The following CDKL3 variants were observed in gnomAD, a reference collection of about 807,000 sequenced individuals.
CDKL3 encodes the protein cyclin dependent kinase like 3, also known as cyclin-dependent kinase-like 3.
Under a neutral mutation model 69.3 loss-of-function variants are expected in CDKL3, and 65 were observed. That is an observed-to-expected ratio of 0.94 (90% confidence interval 0.77 to 1.15). The LOEUF (loss-of-function observed/expected upper bound fraction) is 1.15. CDKL3 is among the 50% of genes most tolerant of loss of function. The pLI, the probability that CDKL3 is intolerant of heterozygous loss-of-function variation, is 0.00. For synonymous variants in CDKL3, 202 were observed against 221.6 expected (o/e 0.91, Z 0.79); for missense variants, 652 against 689.2 (o/e 0.95, Z 0.61).
chr5:134,349,435 G>A (rs921294652), intron 4 of CDKL3, among the ~76,000 whole-genome samples: 2 of 152,022 alleles, frequency 1.3e-5, no homozygotes, highest in African/African-American at 2.4e-5. Context: ...GACTACAGGC[G>A]CATGCCACCA....
At chr5:134,324,985 A>T (rs1340164479) in intron 4 of CDKL3, among the ~76,000 whole-genome samples, 9 of 152,196 alleles carry the variant, frequency 5.9e-5, no homozygotes, top group Non-Finnish European at 8.8e-5. Context: ...TGGAGCCTAA[A>T]ACTGGTCTAA....
intron 11 of CDKL3, among the ~76,000 whole-genome samples, chr5:134,303,962 T>A (rs1367378595): frequency 6.6e-6 from 1 of 151,834 alleles, no homozygotes; most frequent in Non-Finnish European, 1.5e-5. Context: ...AGACAGGGTC[T>A]CATTATGTCA....
intron 12 of CDKL3, chr5:134,299,656 A>G: frequency 6.6e-7 from 1 of 1,520,000 alleles, no homozygotes. Context: ...AAAACCATAC[A>G]GTGATTCTGG....
chr5:134,331,459 C>T (rs1450146308), intron 4 of CDKL3, among the ~76,000 whole-genome samples: 1 of 152,090 alleles, frequency 6.6e-6, no homozygotes, highest in Non-Finnish European at 1.5e-5. Context: ...TCCCCCGGGC[C>T]CCCACCCACC....
At chr5:134,324,758 T>A (rs201222861) in intron 4 of CDKL3, among the ~76,000 whole-genome samples, 1 of 152,212 alleles carries the variant, frequency 6.6e-6, no homozygotes, top group African/African-American at 2.4e-5. Context: ...TTCTGTATGA[T>A]ACTATAATGA....
At chr5:134,297,375 G>A (rs1408708306), downstream of CDKL3, among the ~76,000 whole-genome samples, 3 of 152,034 alleles carry the variant, frequency 2.0e-5, no homozygotes, top group Admixed American at 6.6e-5. Flanking sequence ...TTGATAAAGT[G>A]GCACCTATTT....
intron 6 of CDKL3, among the ~76,000 whole-genome samples, chr5:134,318,737 G>A (rs1423363019): frequency 1.3e-5 from 2 of 151,852 alleles, no homozygotes; most frequent in East Asian, 1.9e-4. Context: ...AGCCCGTCTC[G>A]GCGTCCCAAA....
Position 134,308,178 on chromosome 5 carries a change from C to CCATCAAATTACTGTTAGTTAG in CDKL3, c.1303_1323dup (p.Leu435_Met441dup). 6.2e-7 allele frequency: 1 copy of CCATCAAATTACTGTTAGTTAG among 1,613,684 alleles called. No individual in the cohort carries two copies. Among genetic ancestry groups the CCATCAAATTACTGTTAGTTAG allele is most frequent in the Non-Finnish European group, 8.5e-7 (1 of 1,179,760 alleles). On this transcript the variant is annotated inframe_insertion, in exon 9 of 13. Coordinates refer to ENST00000265334, the MANE Select transcript of CDKL3 (RefSeq NM_001113575.2). ...AAGAGATTTGAACTGAGATTTGCAG[C>CCATCAAATTACTGTTAGTTAG]CATCAAATTACTGTTAGTTAGATTG...
intron 6 of CDKL3, among the ~76,000 whole-genome samples, chr5:134,315,197 G>A (rs1770680529): frequency 6.6e-6 from 1 of 151,442 alleles, no homozygotes; most frequent in African/African-American, 2.4e-5. Context: ...CCAAATCATT[G>A]GATGATACTA....
chr5:134,303,928 T>TA (rs975587894), intron 11 of CDKL3, among the ~76,000 whole-genome samples: 5 of 148,638 alleles, frequency 3.4e-5, no homozygotes, highest in African/African-American at 1.3e-4. Flanking sequence ...TCTTTTTAAT[T>TA]AAAAAAAAAT....
chr5:134,361,587 T>C (rs1046795057), intron 2 of CDKL3, among the ~76,000 whole-genome samples: 2 of 152,176 alleles, frequency 1.3e-5, no homozygotes, highest in African/African-American at 2.4e-5. Flanking sequence ...GCTGCAGCAA[T>C]AGCATATTGA....
At chr5:134,329,534 A>T (rs1454416932) in intron 4 of CDKL3, among the ~76,000 whole-genome samples, 3 of 151,286 alleles carry the variant, frequency 2.0e-5, no homozygotes, top group Non-Finnish European at 2.9e-5. Flanking sequence ...AATGCAGTGG[A>T]GTGCAGCTCA....
intron 4 of CDKL3, among the ~76,000 whole-genome samples, 191 bp downstream of exon 4, chr5:134,350,058 T>G (rs183282788): frequency 1.4e-4 from 21 of 152,120 alleles, no homozygotes; most frequent in Admixed American, 7.2e-4. Flanking sequence ...AGTGGTGGTG[T>G]GCACCTGTAG....
chr5:134,345,830 T>C (rs1001739180), intron 4 of CDKL3, among the ~76,000 whole-genome samples: 2 of 152,206 alleles, frequency 1.3e-5, no homozygotes, highest in Non-Finnish European at 2.9e-5. Context: ...ACAGGGGATA[T>C]GATGGCTTAG....
Position 134,349,404 on chromosome 5 carries a change from T to C in CDKL3, c.539+845A>G, listed in dbSNP as rs575997850. ...GCTACTTTTGAAGTAATTCTCCTGTTTCAGCCTCCCGAGTAGCTGGGACTA... is the reference window on the plus strand; with the variant it reads ...GCTACTTTTGAAGTAATTCTCCTGTCTCAGCCTCCCGAGTAGCTGGGACTA... On this transcript the variant is annotated intron_variant, in intron 4 of 12. Transcript: ENST00000265334. Among the ~76,000 whole-genome samples the C allele has an allele frequency of 4.6e-5, 7 of 152,238 alleles. No individual in the cohort carries two copies. The South Asian group carries it at 1.5e-3, about 32-fold the overall frequency.
At chr5:134,326,823 A>ATATATATGTGTG (rs1468227658) in intron 4 of CDKL3, among the ~76,000 whole-genome samples, 34 of 105,020 alleles carry the variant, frequency 3.2e-4, no homozygotes, top group African/African-American at 1.9e-3. Context: ...GTGTGTATAT[A>ATATATATGTGTG]TATATATATA....
chr5:134,317,337 T>C (rs539374436), intron 6 of CDKL3, among the ~76,000 whole-genome samples: 1 of 152,166 alleles, frequency 6.6e-6, no homozygotes, highest in Non-Finnish European at 1.5e-5. Flanking sequence ...GGTTTCATCA[T>C]GTTGGTCTGG....
upstream of CDKL3, among the ~76,000 whole-genome samples, chr5:134,367,976 GCTTT>G (rs1158950499): frequency 2.0e-5 from 3 of 152,136 alleles, no homozygotes; most frequent in East Asian, 5.8e-4. Flanking sequence ...ATTGAATAGG[GCTTT>G]CTTTGCTTTC....
chr5:134,371,362 C>G, upstream of CDKL3: 2 of 625,860 alleles, frequency 3.2e-6, no homozygotes, highest in Non-Finnish European at 5.5e-6. Flanking sequence ...GGAAGGCGCG[C>G]TCCCGCGTCC....
Sources: gnomAD v4.1 joint callset for allele counts (sites outside exome capture counted in the v4.1 genomes callset) on GRCh38, gnomAD v4.1.1 for gene constraint, MANE v1.5 for transcripts, NCBI Gene and HGNC (gene_info 2026-07-23, HGNC 2026-07-21) for gene names.